The following TCERG1L variants were observed in gnomAD, a reference collection of about 807,000 sequenced individuals.
TCERG1L encodes the protein transcription elongation regulator 1-like protein.
TCERG1L carries 37 observed loss-of-function variants against 56.3 expected under a neutral mutation model. That is an observed-to-expected ratio of 0.66 (90% CI 0.51 to 0.87). TCERG1L has a LOEUF of 0.87. Among genes scored for constraint, TCERG1L ranks in the 40% least tolerant of loss-of-function variants. TCERG1L has a pLI of 0.00. For missense variants in TCERG1L, 799 were observed against 774.2 expected (o/e 1.03, Z -0.38); for synonymous variants, 324 against 326.3 (o/e 0.99, Z 0.08).
chr10:131,269,261 A>G (rs1262551751), intron 3 of TCERG1L, among the ~76,000 whole-genome samples: 1 of 152,108 alleles, frequency 6.6e-6, no homozygotes, highest in African/African-American at 2.4e-5. Context: ...ATCTCGGCTC[A>G]CTGCAACCTC....
chr10:131,222,818 G>A (rs1323478557), intron 4 of TCERG1L, among the ~76,000 whole-genome samples: 2 of 152,178 alleles, frequency 1.3e-5, no homozygotes, highest in Non-Finnish European at 2.9e-5. Context: ...GCTCTCTGGG[G>A]AGGGTCATGA....
intron 3 of TCERG1L, among the ~76,000 whole-genome samples, chr10:131,305,274 C>T (rs914774952): frequency 2.6e-5 from 4 of 152,036 alleles, no homozygotes; most frequent in Admixed American, 2.0e-4. Context: ...TGATAACAGG[C>T]GACCATCATC....
chr10:131,280,705 G>GCACACACACA (rs59263854), intron 3 of TCERG1L, among the ~76,000 whole-genome samples: 44 of 150,632 alleles, frequency 2.9e-4, no homozygotes, highest in African/African-American at 1.0e-3. Context: ...CCTAAGATGT[G>GCACACACACA]CACACACACA....
intron 7 of TCERG1L, among the ~76,000 whole-genome samples, chr10:131,142,799 C>A (rs528278029): frequency 6.6e-6 from 1 of 152,288 alleles, no homozygotes; most frequent in Non-Finnish European, 1.5e-5. Flanking sequence ...ATGCCCCCCA[C>A]CATTCCCAAG....
At chr10:131,245,186 G>A (rs562450655) in intron 4 of TCERG1L, among the ~76,000 whole-genome samples, 1 of 152,202 alleles carries the variant, frequency 6.6e-6, no homozygotes, top group African/African-American at 2.4e-5. Context: ...CCAGTGTGCA[G>A]AGCAGGGCAC....
chr10:131,157,273 A>C (rs938760444), intron 6 of TCERG1L, among the ~76,000 whole-genome samples: 4 of 152,218 alleles, frequency 2.6e-5, no homozygotes, highest in African/African-American at 9.7e-5. Flanking sequence ...CCATGACATA[A>C]AACCTGCACT....
intron 3 of TCERG1L, among the ~76,000 whole-genome samples, chr10:131,268,599 C>T (rs772282251): frequency 6.6e-6 from 1 of 152,238 alleles, no homozygotes; most frequent in South Asian, 2.1e-4. Flanking sequence ...GTTTCATCTG[C>T]ATTGCAAATC....
chr10:131,109,460 C>T (rs1035877114), intron 9 of TCERG1L, among the ~76,000 whole-genome samples: 4 of 151,876 alleles, frequency 2.6e-5, no homozygotes, highest in Admixed American at 2.6e-4. Flanking sequence ...GTGTCTGTGA[C>T]TGTGGCTGTG....
At chr10:131,154,486 C>T (rs1845898862) in intron 6 of TCERG1L, among the ~76,000 whole-genome samples, 1 of 152,182 alleles carries the variant, frequency 6.6e-6, no homozygotes, top group South Asian at 2.1e-4. Flanking sequence ...CTCCCTGGGG[C>T]CGGGCCACCA....
At chr10:131,303,706 T>A (rs900996013) in intron 3 of TCERG1L, among the ~76,000 whole-genome samples, 1 of 152,102 alleles carries the variant, frequency 6.6e-6, no homozygotes, top group Non-Finnish European at 1.5e-5. Context: ...AATCTTTCTA[T>A]GTTGTCTTCT....
At chr10:131,215,270 G>A (rs1226946834) in intron 4 of TCERG1L, among the ~76,000 whole-genome samples, 1 of 152,190 alleles carries the variant, frequency 6.6e-6, no homozygotes, top group Non-Finnish European at 1.5e-5. Flanking sequence ...GCCCCACAGG[G>A]AGCCAGAAAC....
At chr10:131,155,838 C>A (rs56385408) in intron 6 of TCERG1L, among the ~76,000 whole-genome samples, 4,080 of 152,292 alleles carry the variant, frequency 0.027, 132 homozygotes, top group East Asian at 0.12. Flanking sequence ...CTCTCAAATG[C>A]GAGCTAAATG....
At chr10:131,116,680 A>G (rs1845462100) in intron 9 of TCERG1L, 119 bp downstream of exon 9, 2 of 1,348,528 alleles carry the variant, frequency 1.5e-6, no homozygotes, top group African/African-American at 1.4e-5. Flanking sequence ...AGGCCAGGAC[A>G]GTCACTCAGC....
chr10:131,180,008 T>C (rs551946161), intron 4 of TCERG1L, among the ~76,000 whole-genome samples: 1 of 152,318 alleles, frequency 6.6e-6, no homozygotes, highest in East Asian at 1.9e-4. Flanking sequence ...TGCCCTGCTC[T>C]GAGCATGGCC....
intron 3 of TCERG1L, among the ~76,000 whole-genome samples, chr10:131,295,351 A>G (rs189760513): frequency 5.9e-5 from 9 of 152,340 alleles, no homozygotes; most frequent in African/African-American, 2.2e-4. Context: ...AAGAGTGTTA[A>G]TAACAACCTG....
At chr10:131,228,852 T>C (rs377320705) in intron 4 of TCERG1L, among the ~76,000 whole-genome samples, 1,273 of 36,646 alleles carry the variant, frequency 0.035, no homozygotes, top group East Asian at 0.092. Flanking sequence ...TTCCTCAAGG[T>C]CTCCGGAGTC....
At chr10:131,201,385 G>A (rs1172736042) in intron 4 of TCERG1L, among the ~76,000 whole-genome samples, 4 of 152,152 alleles carry the variant, frequency 2.6e-5, no homozygotes, top group Non-Finnish European at 5.9e-5. Context: ...TCGAACATCC[G>A]CAGATTTTAC....
At chr10:131,178,223 G>A (rs1845129512) in intron 4 of TCERG1L, among the ~76,000 whole-genome samples, 1 of 152,148 alleles carries the variant, frequency 6.6e-6, no homozygotes, top group African/African-American at 2.4e-5. Context: ...TAGAATTGCA[G>A]GGTTAGCACA....
intron 6 of TCERG1L, 54 bp from the exon 7 acceptor site, chr10:131,146,714 A>C: frequency 6.5e-7 from 1 of 1,549,754 alleles, no homozygotes; most frequent in South Asian, 1.2e-5. Context: ...TTAATTAGAA[A>C]GTCGTTAGCA....
Sources: gnomAD v4.1 joint callset for allele counts (sites outside exome capture counted in the v4.1 genomes callset) on GRCh38, gnomAD v4.1.1 for gene constraint, MANE v1.5 for transcripts, NCBI Gene and HGNC (gene_info 2026-07-23, HGNC 2026-07-21) for gene names.